The following ME3 variants were observed in gnomAD, a reference collection of about 807,000 sequenced individuals.
The protein encoded by ME3 is NADP-dependent malic enzyme, mitochondrial.
ME3 carries 48 observed loss-of-function variants against 68.9 expected under a neutral mutation model. That is an observed-to-expected ratio of 0.70 (90% CI 0.55 to 0.89). ME3 has a LOEUF of 0.89. Among genes scored for constraint, ME3 ranks in the 40% least tolerant of loss-of-function variants. The pLI is 0.00. For missense variants in ME3, 675 were observed against 797.4 expected, an observed-to-expected ratio of 0.85 and a Z score of 1.85; for synonymous variants, 320 against 318.8, an observed-to-expected ratio of 1.00 and a Z score of -0.04.
chr11:86,614,972 CT>C (rs1467113839), intron 2 of ME3, among the ~76,000 whole-genome samples: 1 of 152,128 alleles, frequency 6.6e-6, no homozygotes, highest in Non-Finnish European at 1.5e-5. Flanking sequence ...CATGAGACGA[CT>C]TTTAGGGTTT....
chr11:86,588,131 G>A (rs1958846252), intron 2 of ME3, among the ~76,000 whole-genome samples: 1 of 152,206 alleles, frequency 6.6e-6, no homozygotes, highest in African/African-American at 2.4e-5. Context: ...GCTGTGGCAT[G>A]AACAAGATAG....
At chr11:86,472,273 C>T (rs1950825215) in intron 7 of ME3, among the ~76,000 whole-genome samples, 1 of 152,100 alleles carries the variant, frequency 6.6e-6, no homozygotes, top group South Asian at 2.1e-4. Context: ...AATGCAGGAG[C>T]CACCCCTTTC....
intron 2 of ME3, among the ~76,000 whole-genome samples, chr11:86,613,970 C>T (rs1197986004): frequency 1.3e-5 from 2 of 152,124 alleles, no homozygotes; most frequent in East Asian, 1.9e-4. Context: ...AAAAAATCTA[C>T]TTTAAATTTC....
chr11:86,589,498 G>A (rs1206721267), intron 2 of ME3, among the ~76,000 whole-genome samples: 2 of 152,214 alleles, frequency 1.3e-5, no homozygotes, highest in South Asian at 2.1e-4. Flanking sequence ...CCACAGAGGT[G>A]TCAAGTGGGG....
chr11:86,475,246 T>C (rs911161977), intron 7 of ME3, among the ~76,000 whole-genome samples: 2 of 152,092 alleles, frequency 1.3e-5, no homozygotes, highest in African/African-American at 4.8e-5. Context: ...TGATAGTGAG[T>C]TGTCATGAGG....
At chr11:86,626,199 T>G (rs1269899815) in intron 2 of ME3, among the ~76,000 whole-genome samples, 9 of 152,182 alleles carry the variant, frequency 5.9e-5, no homozygotes, top group Admixed American at 5.9e-4. Context: ...TAAACCACAT[T>G]GCAAACTGCC....
chr11:86,448,152 A>C, exon 11 of ME3: 1 of 1,611,222 alleles, frequency 6.2e-7, no homozygotes, highest in Non-Finnish European at 8.5e-7. Context: ...CCTCCTACCT[A>C]TGATGGCTGT....
chr11:86,525,951 A>G (rs1313333674), intron 4 of ME3, among the ~76,000 whole-genome samples: 1 of 152,042 alleles, frequency 6.6e-6, no homozygotes, highest in East Asian at 1.9e-4. Context: ...GCAACAGAGA[A>G]GACGTATGAT....
chr11:86,480,117 C>A (rs1951315896), intron 7 of ME3, among the ~76,000 whole-genome samples: 1 of 152,192 alleles, frequency 6.6e-6, no homozygotes, highest in Admixed American at 6.5e-5. Context: ...CCGCGCCTGG[C>A]CTAGCTGATG....
At chr11:86,470,032 G>T (rs1950699027) in intron 7 of ME3, among the ~76,000 whole-genome samples, 1 of 152,074 alleles carries the variant, frequency 6.6e-6, no homozygotes, top group African/African-American at 2.4e-5. Flanking sequence ...GGTCTGAGGT[G>T]GCTGTTCTGC....
chr11:86,635,615 G>A (rs61230561), intron 2 of ME3, among the ~76,000 whole-genome samples: 13,326 of 152,250 alleles, frequency 0.088, 628 homozygotes, highest in Non-Finnish European at 0.11. Flanking sequence ...TATCTCAGGA[G>A]TAGGTTTCTA....
chr11:86,669,824 A>T (rs72959413), intron 2 of ME3, among the ~76,000 whole-genome samples: 1 of 152,120 alleles, frequency 6.6e-6, no homozygotes, highest in African/African-American at 2.4e-5. Context: ...TTAAAAAAAG[A>T]CTTAAAGATC....
At chr11:86,489,538 G>A (rs1300025144) in intron 6 of ME3, among the ~76,000 whole-genome samples, 2 of 152,250 alleles carry the variant, frequency 1.3e-5, no homozygotes, top group East Asian at 1.9e-4. Flanking sequence ...ACTATCTTAA[G>A]GGAACCTGCT....
chr11:86,457,032 C>T (rs1012815407), intron 8 of ME3, among the ~76,000 whole-genome samples: 1 of 152,198 alleles, frequency 6.6e-6, no homozygotes, highest in Non-Finnish European at 1.5e-5. Flanking sequence ...CAAGTACTTG[C>T]TTTTCCCCCT....
At chr11:86,668,481 C>A (rs1284702785) in intron 2 of ME3, among the ~76,000 whole-genome samples, 1 of 152,124 alleles carries the variant, frequency 6.6e-6, no homozygotes, top group Non-Finnish European at 1.5e-5. Context: ...TGAACAATTC[C>A]AGACTAGATC....
At chr11:86,652,165 ACT>A (rs1337612579) in intron 2 of ME3, among the ~76,000 whole-genome samples, 1 of 152,190 alleles carries the variant, frequency 6.6e-6, no homozygotes, top group Admixed American at 6.5e-5. Flanking sequence ...GTTGGAAAAC[ACT>A]CTGCAGGATA....
At chr11:86,483,999 G>C (rs1716402507) in intron 7 of ME3, among the ~76,000 whole-genome samples, 1 of 152,212 alleles carries the variant, frequency 6.6e-6, no homozygotes, top group South Asian at 2.1e-4. Flanking sequence ...ATCAGTCCTT[G>C]CCATCAGTCT....
chr11:86,608,783 A>G (rs1942341255), intron 2 of ME3, among the ~76,000 whole-genome samples: 2 of 152,236 alleles, frequency 1.3e-5, no homozygotes, highest in Non-Finnish European at 2.9e-5. Flanking sequence ...CATATAGAAG[A>G]GGTAGTAACT....
intron 2 of ME3, among the ~76,000 whole-genome samples, chr11:86,650,981 A>G (rs591474): frequency 0.99 from 150,097 of 152,338 alleles, 73,972 homozygotes; most frequent in Non-Finnish European, 1. Context: ...CTACGCCCAC[A>G]GAGCCTCACT....
Sources: allele counts gnomAD v4.1 joint callset (sites outside exome capture counted in the v4.1 genomes callset), GRCh38; gene constraint gnomAD v4.1.1; transcripts MANE v1.5; gene names NCBI Gene and HGNC (gene_info 2026-07-23, HGNC 2026-07-21).